Variants in STPG2 observed in about 807,000 individuals in gnomAD.
The protein encoded by STPG2 is sperm tail PG-rich repeat containing 2.
STPG2 carries 56 observed loss-of-function variants against 54.2 expected under a neutral mutation model. The ratio of observed to expected loss-of-function variants is 1.03; its 90% confidence interval spans 0.83 to 1.29. STPG2 has a LOEUF of 1.29. STPG2 is among the 50% of genes most tolerant of loss of function. The pLI is 0.00. For synonymous variants in STPG2, 200 were observed against 181.8 expected (o/e 1.10, Z -0.81); for missense variants, 596 against 544.9 (o/e 1.09, Z -0.93).
intron 7 of STPG2, among the ~76,000 whole-genome samples, chr4:97,953,074 T>G (rs1487473481): frequency 6.6e-6 from 1 of 152,142 alleles, no homozygotes; most frequent in Non-Finnish European, 1.5e-5. Context: ...TCCTTTGTGT[T>G]AAGCTATTAG....
intron 3 of STPG2, among the ~76,000 whole-genome samples, chr4:98,121,026 T>C (rs1029355705): frequency 1.3e-5 from 2 of 152,234 alleles, no homozygotes; most frequent in African/African-American, 4.8e-5. Flanking sequence ...AGGATTTTTA[T>C]AGTTTTGGAT....
At chr4:97,594,351 A>G (rs1733226299) in intron 10 of STPG2, among the ~76,000 whole-genome samples, 1 of 152,248 alleles carries the variant, frequency 6.6e-6, no homozygotes, top group Non-Finnish European at 1.5e-5. Flanking sequence ...GAATTTCAGA[A>G]TATAATCCGA....
chr4:97,486,829 G>GTGTGTGTGTGTA (rs1490371230), intron 4 of STPG2, among the ~76,000 whole-genome samples: 2 of 90,254 alleles, frequency 2.2e-5, no homozygotes, highest in African/African-American at 3.4e-5. Flanking sequence ...GTGTGTGTGT[G>GTGTGTGTGTGTA]TATATATATA....
chr4:98,138,340 CAGAA>C (rs1461344919), intron 1 of STPG2, among the ~76,000 whole-genome samples: 6 of 151,798 alleles, frequency 4.0e-5, no homozygotes, highest in African/African-American at 1.2e-4. Flanking sequence ...ATCAAACTGA[CAGAA>C]AGAAGAAATT....
chr4:97,573,496 A>T (rs1183667453), intron 10 of STPG2, among the ~76,000 whole-genome samples: 1 of 151,908 alleles, frequency 6.6e-6, no homozygotes, highest in Non-Finnish European at 1.5e-5. Flanking sequence ...GCTGCATGGT[A>T]GAAACAAGGA....
intron 5 of STPG2, among the ~76,000 whole-genome samples, chr4:98,018,969 G>T (rs573971836): frequency 6.7e-4 from 102 of 151,648 alleles, no homozygotes; most frequent in Non-Finnish European, 1.3e-3. Flanking sequence ...TTTCTAGGTT[G>T]CCTGTTCACT....
At chr4:97,550,466 G>A (rs993870968) in intron 4 of STPG2, among the ~76,000 whole-genome samples, 1 of 151,990 alleles carries the variant, frequency 6.6e-6, no homozygotes, top group Non-Finnish European at 1.5e-5. Context: ...GGGGAAGAGT[G>A]GTTTGGGCTT....
At chr4:97,811,185 G>A (rs145510339) in intron 9 of STPG2, among the ~76,000 whole-genome samples, 1,929 of 151,686 alleles carry the variant, frequency 0.013, 46 homozygotes, top group African/African-American at 0.044. Context: ...CAATTTAGGC[G>A]GTTAGTTTAC....
intron 10 of STPG2, among the ~76,000 whole-genome samples, chr4:97,675,908 TA>T (rs1342611393): frequency 7.5e-5 from 11 of 146,722 alleles, no homozygotes; most frequent in African/African-American, 2.0e-4. Flanking sequence ...CATATATATA[TA>T]GTGTATATAT....
intron 5 of STPG2, chr4:98,025,964 T>A: frequency 7.9e-7 from 1 of 1,258,206 alleles, no homozygotes; most frequent in Non-Finnish European, 1.2e-6. Context: ...TATGTAGAAC[T>A]ACACAGGAAG....
intron 9 of STPG2, among the ~76,000 whole-genome samples, chr4:97,784,921 T>A (rs1726778149): frequency 6.6e-6 from 1 of 151,968 alleles, no homozygotes; most frequent in Admixed American, 6.6e-5. Context: ...TCTGGCAAAA[T>A]TTAATCTTTC....
chr4:97,781,688 A>C (rs903369833), intron 9 of STPG2, among the ~76,000 whole-genome samples: 2 of 152,210 alleles, frequency 1.3e-5, no homozygotes, highest in African/African-American at 4.8e-5. Context: ...CATGAATAAA[A>C]TACTGGCAAA....
intron 10 of STPG2, among the ~76,000 whole-genome samples, chr4:97,646,212 TG>T (rs1721908306): frequency 6.6e-6 from 1 of 152,140 alleles, no homozygotes; most frequent in Non-Finnish European, 1.5e-5. Flanking sequence ...TTTTTAGTTT[TG>T]CTTAGGAACA....
At chr4:97,947,516 C>G (rs926376668) in intron 7 of STPG2, among the ~76,000 whole-genome samples, 5 of 152,040 alleles carry the variant, frequency 3.3e-5, no homozygotes, top group African/African-American at 9.7e-5. Context: ...AACTTTTCCT[C>G]ATTCAATATA....
At chr4:97,469,755 T>C (rs1729877263) in intron 4 of STPG2, among the ~76,000 whole-genome samples, 1 of 151,634 alleles carries the variant, frequency 6.6e-6, no homozygotes, top group Non-Finnish European at 1.5e-5. Flanking sequence ...GCTGAAGAAA[T>C]ACCACAGAAA....
chr4:97,908,331 C>A (rs902423279), intron 8 of STPG2, among the ~76,000 whole-genome samples: 1 of 151,548 alleles, frequency 6.6e-6, no homozygotes, highest in Non-Finnish European at 1.5e-5. Context: ...TCTCACACCA[C>A]TTAGAATGGC....
At chr4:97,794,342 C>T (rs1278734847) in intron 9 of STPG2, among the ~76,000 whole-genome samples, 2 of 152,146 alleles carry the variant, frequency 1.3e-5, no homozygotes, top group African/African-American at 4.8e-5. Flanking sequence ...TCTAACAAAA[C>T]AGAATGATGT....
At chr4:97,866,586 T>A (rs1729790181) in intron 8 of STPG2, among the ~76,000 whole-genome samples, 1 of 151,936 alleles carries the variant, frequency 6.6e-6, no homozygotes, top group Admixed American at 6.6e-5. Context: ...TTCTGGCTTG[T>A]TTTTGGTACT....
At chr4:98,052,462 T>C (rs1223075553) in intron 5 of STPG2, among the ~76,000 whole-genome samples, 2 of 152,246 alleles carry the variant, frequency 1.3e-5, no homozygotes, top group Non-Finnish European at 2.9e-5. Flanking sequence ...TAGCCACTGT[T>C]AATATTTTGG....
Sources: gnomAD v4.1 joint callset for allele counts (sites outside exome capture counted in the v4.1 genomes callset) on GRCh38, gnomAD v4.1.1 for gene constraint, MANE v1.5 for transcripts, NCBI Gene and HGNC (gene_info 2026-07-23, HGNC 2026-07-21) for gene names.